PCSK2: variants seen among roughly 807,000 people sequenced by gnomAD.
PCSK2 encodes the protein proprotein convertase subtilisin/kexin type 2.
In PCSK2, 14 loss-of-function variants were observed where a neutral mutation model predicts 69.7. That is an observed-to-expected ratio of 0.20 (90% confidence interval 0.13 to 0.31). PCSK2 has a LOEUF of 0.31. Ranked by LOEUF, PCSK2 falls within the 10% of genes least tolerant of loss-of-function variation. PCSK2 has a pLI of 1.00. For synonymous variants in PCSK2, 307 were observed against 320.7 expected, an observed-to-expected ratio of 0.96 and a Z score of 0.46; for missense variants, 544 against 842.5, an observed-to-expected ratio of 0.65 and a Z score of 4.39.
At chr20:17,345,235 A>G (rs1310144697) in intron 2 of PCSK2, among the ~76,000 whole-genome samples, 2 of 152,144 alleles carry the variant, frequency 1.3e-5, no homozygotes, top group Non-Finnish European at 2.9e-5. Context: ...GTACTACCCA[A>G]ATGCTGCCCC....
intron 2 of PCSK2, among the ~76,000 whole-genome samples, chr20:17,319,929 T>C (rs1175009635): frequency 6.6e-6 from 1 of 152,136 alleles, no homozygotes; most frequent in African/African-American, 2.4e-5. Context: ...TTGGCAAGCA[T>C]CTGGAATCAC....
In PCSK2 at chr20:17,481,357, G is replaced by A. The variant is rs148814888; in HGVS notation, c.1431-227G>A. ...AGATCACACCACTGCACTCCAGCCC[G>A]GGCAACAGAGTGGGACCCTGTCTCA... On this transcript the variant is annotated intron_variant, in intron 11 of 11. Transcript: ENST00000262545. Among the ~76,000 whole-genome samples, 548 of 139,988 alleles carry A rather than the reference G, an allele frequency of 3.9e-3. 4 individuals are homozygous for A. The highest frequency in any genetic ancestry group is 0.015 in the African/African-American group (530 of 35,508). 91.8% of individuals were successfully genotyped at this position (139,988 alleles called of 152,430 possible).
intron 2 of PCSK2, among the ~76,000 whole-genome samples, chr20:17,354,825 T>C (rs984747205): frequency 1.2e-4 from 18 of 152,146 alleles, no homozygotes; most frequent in Non-Finnish European, 2.1e-4. Flanking sequence ...AAATTAGGTA[T>C]GAATATGAAT....
intron 8 of PCSK2, among the ~76,000 whole-genome samples, chr20:17,438,295 G>A (rs983662756): frequency 1.3e-5 from 2 of 152,184 alleles, no homozygotes; most frequent in African/African-American, 4.8e-5. Context: ...TATGGAAAAT[G>A]CATAAACTCA....
intron 1 of PCSK2, among the ~76,000 whole-genome samples, chr20:17,252,186 T>C (rs1467691951): frequency 6.6e-6 from 1 of 152,192 alleles, no homozygotes; most frequent in Non-Finnish European, 1.5e-5. Flanking sequence ...GCTGGAATCA[T>C]GGACCTCATT....
At chr20:17,407,065 G>A (rs959284819) in intron 5 of PCSK2, among the ~76,000 whole-genome samples, 4 of 152,192 alleles carry the variant, frequency 2.6e-5, no homozygotes, top group South Asian at 2.1e-4. Flanking sequence ...AGTTCTCAGC[G>A]TCACATCCTC....
At chr20:17,346,539 T>G (rs1990658331) in intron 2 of PCSK2, among the ~76,000 whole-genome samples, 1 of 152,198 alleles carries the variant, frequency 6.6e-6, no homozygotes, top group South Asian at 2.1e-4. Flanking sequence ...TGCTACAATG[T>G]GCATGGCCAA....
At chr20:17,244,071 C>T (rs1158728719) in intron 1 of PCSK2, among the ~76,000 whole-genome samples, 2 of 152,126 alleles carry the variant, frequency 1.3e-5, no homozygotes, top group African/African-American at 4.8e-5. Context: ...GATACTTATA[C>T]TGCCTTGTTC....
At chr20:17,270,243 T>C (rs1987808608) in intron 2 of PCSK2, among the ~76,000 whole-genome samples, 3 of 152,164 alleles carry the variant, frequency 2.0e-5, no homozygotes, top group Admixed American at 6.6e-5. Context: ...TATTTTAAAA[T>C]TGGTTTAGCT....
chr20:17,296,639 G>A (rs1600461974), intron 2 of PCSK2, among the ~76,000 whole-genome samples: 4 of 152,178 alleles, frequency 2.6e-5, no homozygotes, highest in Admixed American at 2.6e-4. Context: ...AGGAAAGAGA[G>A]CACGTGAGCT....
chr20:17,374,393 C>T (rs2030862269), intron 5 of PCSK2, among the ~76,000 whole-genome samples: 1 of 152,136 alleles, frequency 6.6e-6, no homozygotes, highest in African/African-American at 2.4e-5. Flanking sequence ...TCTTCAAGAA[C>T]ATGTGGAGTG....
At position 17,283,840 on chromosome 20, in the gene PCSK2, C is replaced by T. The variant is rs908478653; in HGVS notation, c.282+23496C>T. Reference sequence around the variant, plus strand: ...CAGCTAGCATGTTTGCTCAGCCCCACGTCAGCTAGAGTAGAAATTACTTAT... The same window carrying T: ...CAGCTAGCATGTTTGCTCAGCCCCATGTCAGCTAGAGTAGAAATTACTTAT... On this transcript the variant is annotated intron_variant, in intron 2 of 11. Coordinates refer to ENST00000262545, the MANE Select transcript of PCSK2 (RefSeq NM_002594.5). Among the ~76,000 whole-genome samples the T allele has an allele frequency of 3.9e-5, 6 of 152,298 alleles. 1 individual carries two copies. The highest frequency in any genetic ancestry group is 4.1e-4 in the South Asian group (2 of 4,822).
intron 2 of PCSK2, among the ~76,000 whole-genome samples, chr20:17,322,768 T>C (rs2123134986): frequency 1.3e-5 from 2 of 152,348 alleles, no homozygotes; most frequent in South Asian, 4.1e-4. Flanking sequence ...GTGAACTCTC[T>C]CTGATGCTTC....
chr20:17,327,358 A>G (rs1042284557), intron 2 of PCSK2, among the ~76,000 whole-genome samples: 10 of 152,086 alleles, frequency 6.6e-5, no homozygotes, highest in African/African-American at 2.4e-4. Context: ...ACTTTGGCTC[A>G]CCCCTAAGTC....
chr20:17,367,829 A>T (rs1248460835), intron 4 of PCSK2, among the ~76,000 whole-genome samples: 1 of 152,198 alleles, frequency 6.6e-6, no homozygotes, highest in African/African-American at 2.4e-5. Flanking sequence ...AGGATCCAGA[A>T]CAAGGGTTAA....
chr20:17,377,932 T>C lies in PCSK2; in HGVS notation c.543+8655T>C, dbSNP rs1402150393. 4.6e-5 allele frequency among the ~76,000 whole-genome samples: 7 copies of C among 152,232 alleles called. No homozygotes were observed. The South Asian group carries it at 1.2e-3, about 27-fold the overall frequency. On this transcript the variant is annotated intron_variant, in intron 5 of 11. Coordinates refer to ENST00000262545, the MANE Select transcript of PCSK2 (RefSeq NM_002594.5). ...TATAGCTGAAAGCAAAGAAAATATC[T>C]GGTCATTCTATTATTTTTAATTATT...
chr20:17,292,674 T>A (rs1490391128), intron 2 of PCSK2, among the ~76,000 whole-genome samples: 1 of 152,236 alleles, frequency 6.6e-6, no homozygotes, highest in Non-Finnish European at 1.5e-5. Flanking sequence ...GAATATGGCA[T>A]ATCTCAATTT....
At chr20:17,414,028 A>G (rs2031939543) in intron 6 of PCSK2, among the ~76,000 whole-genome samples, 1 of 152,228 alleles carries the variant, frequency 6.6e-6, no homozygotes, top group South Asian at 2.1e-4. Context: ...GACACATTTA[A>G]AGCAATGTGT....
At chr20:17,230,212 C>T (rs1986096329) in intron 1 of PCSK2, among the ~76,000 whole-genome samples, 1 of 152,176 alleles carries the variant, frequency 6.6e-6, no homozygotes, top group Non-Finnish European at 1.5e-5. Context: ...GCATGCTTCC[C>T]AACTCCCTAC....
Sources: gnomAD v4.1 joint callset for allele counts (sites outside exome capture counted in the v4.1 genomes callset) on GRCh38, gnomAD v4.1.1 for gene constraint, MANE v1.5 for transcripts, NCBI Gene and HGNC (gene_info 2026-07-23, HGNC 2026-07-21) for gene names.